DOCK9: variants seen among roughly 807,000 people sequenced by gnomAD.
DOCK9 encodes the protein dedicator of cytokinesis protein 9.
DOCK9 carries 89 observed loss-of-function variants against 263.3 expected under a neutral mutation model. That is an observed-to-expected ratio of 0.34 (90% CI 0.28 to 0.40). The LOEUF is 0.40. Among genes scored for constraint, DOCK9 ranks in the 10% least tolerant of loss-of-function variants. DOCK9 has a pLI of 1.00. For synonymous variants in DOCK9, 976 were observed against 973.1 expected (o/e 1.00, Z -0.06); for missense variants, 2,140 against 2,603.4 (o/e 0.82, Z 3.87).
At chr13:99,010,104 C>T (rs1884217970) in intron 1 of DOCK9, among the ~76,000 whole-genome samples, 2 of 152,226 alleles carry the variant, frequency 1.3e-5, no homozygotes, top group Middle Eastern at 3.4e-3. Context: ...TTATTTTCTC[C>T]TCTTGTGACA....
intron 30 of DOCK9, among the ~76,000 whole-genome samples, chr13:98,866,205 A>G (rs1014054109): frequency 3.3e-5 from 5 of 152,040 alleles, no homozygotes; most frequent in African/African-American, 7.3e-5. Context: ...CATTCTATGT[A>G]TCTTGTGTAT....
chr13:98,963,855 A>C (rs2058925619), intron 1 of DOCK9, among the ~76,000 whole-genome samples: 1 of 152,344 alleles, frequency 6.6e-6, no homozygotes, highest in Middle Eastern at 3.4e-3. Context: ...CGTGCTCACA[A>C]GTGTGGGACA....
Position 98,902,457 on chromosome 13 carries a change from T to G in DOCK9, c.1211A>C (p.Asp404Ala). 6.2e-7 allele frequency: 1 copy of G among 1,613,952 alleles called. No individual in the cohort carries two copies. Among genetic ancestry groups the G allele is most frequent in the Non-Finnish European group, 8.5e-7 (1 of 1,179,878 alleles). Reference protein sequence around the residue: ...EPFFVTLSLFDIKYNRKISAD... With the variant: ...EPFFVTLSLFAIKYNRKISAD... ...AGAAATCTTCCGGTTGTATTTTATG[T>G]CAAACAGGGATAGAGTAACAAAGAA... The change falls in exon 12 of 53, where the codon GAC becomes GCC. Residue 404 changes from aspartate (D) to alanine (A), a missense_variant. By Grantham distance (126) the Asp-to-Ala change is moderately radical. Coordinates refer to ENST00000682017, the MANE Select transcript of DOCK9 (RefSeq NM_001366683.2).
intron 45 of DOCK9, among the ~76,000 whole-genome samples, chr13:98,813,698 G>A (rs1342167353): frequency 3.3e-5 from 5 of 151,978 alleles, no homozygotes; most frequent in Admixed American, 2.0e-4. Context: ...GGAGTGCGAC[G>A]GCGTGATCTC....
At position 99,008,234 on chromosome 13, in the gene DOCK9, A is replaced by ATATATTT. The variant is rs1233268084; in HGVS notation, c.130-52684_130-52683insAAATATA. 9.7e-3 allele frequency among the ~76,000 whole-genome samples: 913 copies of ATATATTT among 93,646 alleles called. 6 individuals are homozygous for ATATATTT. The highest frequency in any genetic ancestry group is 0.015 in the African/African-American group (330 of 22,540). The allele number at this position is 93,646 out of a possible 152,430, so 61.4% of individuals were successfully genotyped here. On this transcript the variant is annotated intron_variant, in intron 1 of 32. Coordinates refer to the DOCK9 transcript ENST00000427887. Reference sequence around the variant, plus strand: ...TCTCTATATATATATATATATATATATTTTTTTTTTTTTTTGAGACGAAGT... The same window carrying ATATATTT: ...TCTCTATATATATATATATATATATATATATTTTTTTTTTTTTTTTTTGAGACGAAGT...
At chr13:98,943,378 T>C (rs2056244418) in intron 2 of DOCK9, among the ~76,000 whole-genome samples, 1 of 152,228 alleles carries the variant, frequency 6.6e-6, no homozygotes, top group Non-Finnish European at 1.5e-5. Flanking sequence ...TAGGCAACCC[T>C]GGTAGAAAAA....
chr13:99,036,346 C>T (rs980540583), intron 1 of DOCK9, among the ~76,000 whole-genome samples: 1 of 151,968 alleles, frequency 6.6e-6, no homozygotes, highest in Non-Finnish European at 1.5e-5. Flanking sequence ...GTTTAGTGCT[C>T]GTATAAAGAA....
intron 3 of DOCK9, among the ~76,000 whole-genome samples, chr13:98,928,382 G>T (rs1252409472): frequency 1.3e-5 from 2 of 152,148 alleles, no homozygotes; most frequent in South Asian, 4.1e-4. Flanking sequence ...CTGGATCAGA[G>T]GATGAAGAGG....
rs139402076 is a variant in DOCK9, at chr13:99,058,314, G to A, written c.129+27909C>T. Reference sequence around the variant, plus strand: ...TGAATAGCTAGGATTACAGGCATGCGTCACCACACCCAGCCAATTTTTGTA... The same window carrying A: ...TGAATAGCTAGGATTACAGGCATGCATCACCACACCCAGCCAATTTTTGTA... On this transcript the variant is annotated intron_variant, in intron 1 of 32. Transcript: ENST00000427887. Among the ~76,000 whole-genome samples the A allele has an allele frequency of 1.5e-4, 23 of 152,042 alleles. 1 individual carries two copies. The South Asian group carries it at 2.5e-3, about 16-fold the overall frequency.
At chr13:98,975,472 T>TACAC (rs146581245) in intron 1 of DOCK9, among the ~76,000 whole-genome samples, 8,880 of 142,434 alleles carry the variant, frequency 0.062, 377 homozygotes, top group African/African-American at 0.12. Context: ...TCTAAACACA[T>TACAC]ACACACACAC....
chr13:99,073,051 G>A (rs571920731), intron 1 of DOCK9, among the ~76,000 whole-genome samples: 93 of 152,220 alleles, frequency 6.1e-4, no homozygotes, highest in Non-Finnish European at 9.7e-4. Flanking sequence ...ATGGAACCAA[G>A]GTTGCAGAGT....
chr13:99,033,302 T>C (rs1887538058), intron 1 of DOCK9, among the ~76,000 whole-genome samples: 1 of 152,208 alleles, frequency 6.6e-6, no homozygotes, highest in Non-Finnish European at 1.5e-5. Context: ...GATTACAAGA[T>C]ATGGGCTGCT....
In DOCK9 at chr13:98,805,038, C is replaced by T. The variant is rs771167904; in HGVS notation, c.5686G>A (p.Gly1896Arg). 3.7e-6 allele frequency: 6 copies of T among 1,610,552 alleles called. No individual in the cohort carries two copies. Among genetic ancestry groups the T allele is most frequent in the East Asian group, 2.2e-5 (1 of 44,778 alleles). Residue 1896 changes from glycine to arginine, a missense_variant, in exon 49 of 53, where the codon GGG (glycine) becomes AGG (arginine). Gly to Arg is a moderately radical substitution (Grantham distance 125, BLOSUM62 -2). This residue lies in a region of DOCK9 where 619 missense variants were observed against 861.8 expected (regional missense o/e 0.72). Transcript: ENST00000682017. ...CGCCGTTTGCACTGCTCTTCCACCC[C>T]GCCCTGCCTCTTCCCGGTCTGCGTA... The part of the protein sequence containing the change: ...PFTQTGKRQG[G>R]VEEQCKRRTI...
rs1888890750 is a variant in DOCK9 at position 99,045,505 on chromosome 13, TGG to T, written c.129+40716_129+40717del. ...AATGGTGGTTACCAGGGGCTGGGGG[TGG>T]GGTTTGGAGAGATGTTGGTAAAAAG... On this transcript the variant is annotated intron_variant, in intron 1 of 32. Coordinates refer to the DOCK9 transcript ENST00000427887. Among the ~76,000 whole-genome samples, 3 of 151,668 alleles carry T rather than the reference TGG, an allele frequency of 2.0e-5. No individual in the cohort carries two copies. The South Asian group carries it at 6.2e-4, about 32-fold the overall frequency.
At chr13:99,085,725 T>C (rs1240669663) in intron 1 of DOCK9, among the ~76,000 whole-genome samples, 1 of 151,388 alleles carries the variant, frequency 6.6e-6, no homozygotes, top group East Asian at 2.0e-4. Context: ...CCTCCTGGAG[T>C]TCAGCCAACT....
At chr13:98,846,493 T>C (rs1484246387) in intron 37 of DOCK9, 12 of 1,345,952 alleles carry the variant, frequency 8.9e-6, no homozygotes, top group Non-Finnish European at 1.2e-5. Context: ...GAAGGGATTA[T>C]ATGAGTTTTA....
At chr13:98,891,851 C>T (rs1432768941) in intron 15 of DOCK9, among the ~76,000 whole-genome samples, 2 of 151,098 alleles carry the variant, frequency 1.3e-5, no homozygotes, top group African/African-American at 4.9e-5. Flanking sequence ...TTTTAAAAAC[C>T]CAATCTCAAA....
In DOCK9 at chr13:98,794,210, A is replaced by G. The variant is rs1278982012; in HGVS notation, c.*416T>C. The stretch of plus-strand genomic sequence containing the variant: ...ACCTGAATGTGCCACAGGAAAAAAA[A>G]AATATTTTCAAGATTTTCCAGCTCA... On this transcript the variant is annotated 3_prime_UTR_variant, in exon 53 of 53. Transcript: ENST00000682017. 1 of 163,404 alleles carries G rather than the reference A, an allele frequency of 6.1e-6. No individual in the cohort carries two copies. The highest frequency in any genetic ancestry group is 2.4e-5 in the African/African-American group (1 of 41,942). 10.1% of individuals were successfully genotyped at this position (163,404 alleles called of 1,614,324 possible).
At chr13:98,848,711 A>AAC (rs1171590056) in intron 36 of DOCK9, 72 bp from the exon 37 acceptor site, 1 of 1,397,132 alleles carries the variant, frequency 7.2e-7, no homozygotes, top group Non-Finnish European at 9.9e-7. Context: ...TTTATCTGTT[A>AAC]ACAATAACAA....
Sources: allele counts gnomAD v4.1 joint callset (sites outside exome capture counted in the v4.1 genomes callset), GRCh38; gene constraint gnomAD v4.1.1; regional missense constraint gnomAD v4.1.1; transcripts MANE v1.5; gene names NCBI Gene and HGNC (gene_info 2026-07-23, HGNC 2026-07-21).